FNIP2: variants seen among roughly 807,000 people sequenced by gnomAD.
FNIP2 encodes folliculin interacting protein 2, also known as folliculin-interacting protein 2.
In FNIP2, 32 loss-of-function variants were observed where a neutral mutation model predicts 108.7. The observed-to-expected ratio is 0.29, with a 90% CI of 0.22 to 0.40. FNIP2 has a LOEUF of 0.40. Ranked by LOEUF, FNIP2 falls within the 10% of genes least tolerant of loss-of-function variation. The pLI, the probability that FNIP2 is intolerant of heterozygous loss-of-function variation, is 1.00. For synonymous variants in FNIP2, 480 were observed against 496.7 expected (o/e 0.97, Z 0.45); for missense variants, 1,202 against 1,381.6 (o/e 0.87, Z 2.06).
At chr4:158,775,048 G>GT (rs1195902742) in intron 1 of FNIP2, among the ~76,000 whole-genome samples, 2 of 152,184 alleles carry the variant, frequency 1.3e-5, no homozygotes, top group Admixed American at 1.3e-4. Context: ...TGGTTTGCCT[G>GT]TAAGGTCAGC....
chr4:158,856,211 A>G (rs542703914), intron 8 of FNIP2, among the ~76,000 whole-genome samples: 10 of 152,278 alleles, frequency 6.6e-5, no homozygotes, highest in East Asian at 1.9e-4. Flanking sequence ...GACTTATTAA[A>G]TTGGACCAAC....
intron 1 of FNIP2, among the ~76,000 whole-genome samples, chr4:158,782,519 TTTTG>T (rs1326818779): frequency 1.3e-4 from 18 of 136,220 alleles, no homozygotes; most frequent in Non-Finnish European, 2.6e-4. Flanking sequence ...GGAGCTTCCT[TTTTG>T]TTTTTTTTTT....
intron 1 of FNIP2, among the ~76,000 whole-genome samples, chr4:158,801,046 A>C (rs1323776562): frequency 1.3e-5 from 2 of 152,166 alleles, no homozygotes; most frequent in Non-Finnish European, 2.9e-5. Flanking sequence ...AGGTAGTTCC[A>C]CATTTTAAGT....
chr4:158,799,379 T>C (rs1776688987), intron 1 of FNIP2, among the ~76,000 whole-genome samples: 2 of 152,248 alleles, frequency 1.3e-5, no homozygotes, highest in Admixed American at 6.5e-5. Flanking sequence ...ATTTTAGTCC[T>C]GATGTGGAGA....
At chr4:158,809,466 T>A (rs561380541) in intron 1 of FNIP2, among the ~76,000 whole-genome samples, 38 of 151,484 alleles carry the variant, frequency 2.5e-4, no homozygotes, top group African/African-American at 8.8e-4. Context: ...CTCAAAAAAA[T>A]AAAATCTAGT....
chr4:158,826,439 T>TATTA (rs1351011174), intron 2 of FNIP2, among the ~76,000 whole-genome samples: 1 of 152,234 alleles, frequency 6.6e-6, no homozygotes, highest in East Asian at 1.9e-4. Flanking sequence ...TGTCCAGTGT[T>TATTA]TCTCATGGAT....
rs138161640 is a variant in FNIP2 at position 158,871,868 on chromosome 4, G to T, written c.2949+1399G>T. 3.5e-3 allele frequency: 3,450 copies of T among 985,396 alleles called. 5 individuals carry two copies. Among genetic ancestry groups the T allele is most frequent in the Non-Finnish European group, 4.0e-3 (3,308 of 829,938 alleles). The allele number at this position is 985,396 out of a possible 1,614,324, so 61.0% of individuals were successfully genotyped here. On this transcript the variant is annotated intron_variant, in intron 14 of 16. Coordinates refer to ENST00000264433, the MANE Select transcript of FNIP2 (RefSeq NM_020840.3). ...AAATGCCCTCATTGTATAATGCTAA[G>T]TTGTCCAAAACGATGTCTGATGCTT...
At chr4:158,855,935 A>G (rs1033064761) in intron 8 of FNIP2, among the ~76,000 whole-genome samples, 2 of 152,220 alleles carry the variant, frequency 1.3e-5, no homozygotes, top group African/African-American at 2.4e-5. Flanking sequence ...GGTAGCAGGG[A>G]TGATAGTCAC....
chr4:158,790,049 T>C (rs1453768666), intron 1 of FNIP2, among the ~76,000 whole-genome samples: 1 of 152,006 alleles, frequency 6.6e-6, no homozygotes, highest in Non-Finnish European at 1.5e-5. Flanking sequence ...CAATCAAAAC[T>C]GCTACATATG....
chr4:158,903,248 G>T (rs1263661076), intron 16 of FNIP2, among the ~76,000 whole-genome samples: 1 of 152,104 alleles, frequency 6.6e-6, no homozygotes, highest in African/African-American at 2.4e-5. Context: ...CTGAACCCTT[G>T]CACTTCCCGA....
chr4:158,789,741 A>G (rs1310997096), intron 1 of FNIP2, among the ~76,000 whole-genome samples: 1 of 152,198 alleles, frequency 6.6e-6, no homozygotes, highest in African/African-American at 2.4e-5. Flanking sequence ...TTCCTAATCC[A>G]AAAATCTGAA....
Position 158,907,205 on chromosome 4 carries a change from T to C in FNIP2, c.*2661T>C, listed in dbSNP as rs1191347080. On this transcript the variant is annotated 3_prime_UTR_variant, in exon 17 of 17. Transcript: ENST00000264433. ...AAGGTAATTGTGTACGTTTTAGACA[T>C]GACAATGAAAATTTAAAATGTAGCT... is the stretch of plus-strand genomic sequence containing the variant. 11 of 152,230 alleles carry C rather than the reference T, an allele frequency of 7.2e-5. No individual in the cohort carries two copies. The highest frequency in any genetic ancestry group is 2.0e-4 in the Admixed American group (3 of 15,282). The allele number at this position is 152,230 out of a possible 1,614,324, so 9.4% of individuals were successfully genotyped here.
intron 12 of FNIP2, among the ~76,000 whole-genome samples, chr4:158,863,260 T>C (rs1780396558): frequency 6.6e-6 from 1 of 152,218 alleles, no homozygotes; most frequent in Admixed American, 6.6e-5. Flanking sequence ...TTCAATAATT[T>C]GACAGGTAGA....
At chr4:158,874,032 G>A (rs1332350883) in intron 14 of FNIP2, among the ~76,000 whole-genome samples, 1 of 152,222 alleles carries the variant, frequency 6.6e-6, no homozygotes, top group Non-Finnish European at 1.5e-5. Context: ...GTGGGGCAGT[G>A]TAAGGTGATG....
At chr4:158,852,659 A>G (rs915802284) in intron 8 of FNIP2, among the ~76,000 whole-genome samples, 30 of 152,316 alleles carry the variant, frequency 2.0e-4, no homozygotes, top group African/African-American at 7.0e-4. Flanking sequence ...TATGGGCAAT[A>G]AAATGTGGCC....
chr4:158,876,125 C>A (rs1781269573), intron 14 of FNIP2, among the ~76,000 whole-genome samples: 1 of 152,152 alleles, frequency 6.6e-6, no homozygotes, highest in Non-Finnish European at 1.5e-5. Context: ...AAAAAAAATA[C>A]TGATCTCTGG....
chr4:158,882,445 C>T (rs1461317784), intron 14 of FNIP2, among the ~76,000 whole-genome samples: 4 of 151,900 alleles, frequency 2.6e-5, no homozygotes, highest in African/African-American at 9.7e-5. Flanking sequence ...CTGGCCGCCC[C>T]TTCTGGGGAG....
rs1185315811 is a variant in FNIP2 at position 158,870,464 on chromosome 4, G to C, written c.2944G>C (p.Val982Leu). The change falls in exon 14 of 17, where the codon GTC becomes CTC. Residue 982 changes from valine (V) to leucine (L), a missense_variant. Coordinates refer to ENST00000264433, the MANE Select transcript of FNIP2 (RefSeq NM_020840.3). Reference sequence around the variant, plus strand: ...CCTGGTGGCCGACCTTGTCCACACAGTCCATGTAAGTGATCCCAGTGTGGA... The same window carrying C: ...CCTGGTGGCCGACCTTGTCCACACACTCCATGTAAGTGATCCCAGTGTGGA... ...QCLVADLVHT[V>L]HHPVLDEPIA... is the part of the protein sequence containing the mutation. The C allele has an allele frequency of 1.3e-5, 21 of 1,608,182 alleles. No individual in the cohort carries two copies. Among genetic ancestry groups the C allele is most frequent in the Non-Finnish European group, 1.8e-5 (21 of 1,176,822 alleles).
intron 1 of FNIP2, among the ~76,000 whole-genome samples, chr4:158,823,346 A>C (rs935548959): frequency 6.6e-6 from 1 of 152,020 alleles, no homozygotes; most frequent in Non-Finnish European, 1.5e-5. Flanking sequence ...GCTCACTGCA[A>C]CCTCTGTCTC....
Sources: allele counts gnomAD v4.1 joint callset (sites outside exome capture counted in the v4.1 genomes callset), GRCh38; gene constraint gnomAD v4.1.1; transcripts MANE v1.5; gene names NCBI Gene and HGNC (gene_info 2026-07-23, HGNC 2026-07-21).